The following EFTUD2 variants were observed in gnomAD, a reference collection of about 807,000 sequenced individuals.
The protein encoded by EFTUD2 is 116 kDa U5 small nuclear ribonucleoprotein component.
Under a neutral mutation model 114.3 loss-of-function variants are expected in EFTUD2, and 9 were observed. The ratio of observed to expected loss-of-function variants is 0.08; its 90% CI spans 0.05 to 0.14. The LOEUF (loss-of-function observed/expected upper bound fraction) is 0.14. EFTUD2 is among the 10% of genes least tolerant of loss of function. The pLI, the probability that EFTUD2 is intolerant of heterozygous loss-of-function variation, is 1.00. For synonymous variants in EFTUD2, 449 were observed against 462.3 expected (o/e 0.97, Z 0.37); for missense variants, 765 against 1,241.2 (o/e 0.62, Z 5.76).
chr17:44,865,137 G>C (rs2050722423), intron 13 of EFTUD2, 72 bp from the exon 14 acceptor site: 3 of 1,574,290 alleles, frequency 1.9e-6, no homozygotes, highest in Admixed American at 1.8e-5. Flanking sequence ...GACAAGGGAA[G>C]TCCAAAGAAA....
intron 11 of EFTUD2, 179 bp from the exon 12 acceptor site, chr17:44,868,529 T>C: frequency 1.7e-6 from 1 of 579,140 alleles, no homozygotes; most frequent in Non-Finnish European, 3.0e-6. Flanking sequence ...AGGACAAGAC[T>C]GGTCCAAAGT....
At position 44,864,523 on chromosome 17, in the gene EFTUD2, G is replaced by A. The variant is rs184088249; in HGVS notation, c.1285+407C>T. 9.3e-3 allele frequency among the ~76,000 whole-genome samples: 1,403 copies of A among 150,630 alleles called. 9 individuals are homozygous for A. Among genetic ancestry groups the A allele is most frequent in the Non-Finnish European group, 0.014 (985 of 68,002 alleles). On this transcript the variant is annotated intron_variant, in intron 14 of 27. Transcript: ENST00000426333. ...CAGACTCAGGTGGTTTTTTCAACCA[G>A]TCCAGTGTCTTTCTGCTGTATCACG...
At chr17:44,881,819 G>C in intron 6 of EFTUD2, 97 bp from the exon 7 acceptor site, 1 of 1,157,096 alleles carries the variant, frequency 8.6e-7, no homozygotes, top group South Asian at 1.3e-5. Context: ...CAGCTCAAGG[G>C]TTTCTTTGAG....
At chr17:44,852,251 C>T (rs544299933) in intron 26 of EFTUD2, among the ~76,000 whole-genome samples, 158 bp downstream of exon 26, 33 of 150,984 alleles carry the variant, frequency 2.2e-4, no homozygotes, top group African/African-American at 7.8e-4. Flanking sequence ...AACTGAGAGA[C>T]ACAGATTCAA....
intron 11 of EFTUD2, chr17:44,868,558 G>T: frequency 1.9e-6 from 1 of 537,078 alleles, no homozygotes; most frequent in Non-Finnish European, 3.3e-6. Flanking sequence ...CTGTGCTGGA[G>T]CCAAAATGAG....
intron 19 of EFTUD2, 90 bp from the exon 20 acceptor site, chr17:44,857,247 C>G: frequency 9.1e-7 from 1 of 1,095,570 alleles, no homozygotes; most frequent in Non-Finnish European, 1.4e-6. Context: ...GCTCCCTTGA[C>G]ACTACCTCTG....
intron 25 of EFTUD2, 63 bp from the exon 26 acceptor site, chr17:44,852,625 C>A: frequency 6.3e-7 from 1 of 1,577,142 alleles, no homozygotes; most frequent in South Asian, 1.1e-5. Context: ...AAGAAGCAAT[C>A]CAGCATTTGC....
intron 2 of EFTUD2, chr17:44,894,089 G>T: frequency 4.9e-6 from 1 of 204,436 alleles, no homozygotes; most frequent in East Asian, 1.2e-4. Flanking sequence ...AAAGAAAAAA[G>T]AGGGGGCTGG....
rs972362583 is a variant in EFTUD2, at chr17:44,867,965, G to A, written c.1059-68C>T. On this transcript the variant is annotated intron_variant, in intron 12 of 27. Transcript: ENST00000426333. ...ACTATCACTGATCCCAAGAGGCATT[G>A]TCTAAGTGCTGAATCTGAACAACAG... 13 of 1,417,712 alleles carry A rather than the reference G, an allele frequency of 9.2e-6. No individual in the cohort carries two copies. The African/African-American group carries it at 1.9e-4, about 20-fold the overall frequency. 87.8% of individuals were successfully genotyped at this position (1,417,712 alleles called of 1,614,324 possible). A position where few individuals can be genotyped will look rare whatever the true frequency, so the allele number is the denominator to read the frequency against.
chr17:44,854,031 AC>A lies in EFTUD2; in HGVS notation c.2347+237del, dbSNP rs2050502773. The A allele has an allele frequency of 3.6e-6, 5 of 1,375,206 alleles. No homozygotes were observed. The highest frequency in any genetic ancestry group is 2.7e-4 in the Middle Eastern group (1 of 3,702). 85.2% of individuals were successfully genotyped at this position (1,375,206 alleles called of 1,614,324 possible). On this transcript the variant is annotated intron_variant, in intron 23 of 27. Transcript: ENST00000426333. This position sits in a 1 kb window ranked among gnomAD's most constrained non-coding sequence, Gnocchi z 4.3. Reference sequence around the variant, plus strand: ...TCTTCTCAAATACGTCCAACGCCAAACCCTTCTCAGAAATGAGGAGCAAATG... The same window carrying A: ...TCTTCTCAAATACGTCCAACGCCAAACCTTCTCAGAAATGAGGAGCAAATG...
chr17:44,860,640 C>T lies in EFTUD2; in HGVS notation c.1608-97G>A, dbSNP rs2050639331. ...TTTGAGACAGGATCTCACTTTGTTA[C>T]CAGGCTGGAGTGCAGTGGCACAATC... On this transcript the variant is annotated intron_variant, in intron 16 of 27. Coordinates refer to ENST00000426333, the MANE Select transcript of EFTUD2 (RefSeq NM_004247.4). The T allele has an allele frequency of 7.8e-6, 6 of 767,794 alleles. No individual in the cohort carries two copies. In the Admixed American group the frequency reaches 1.5e-4, roughly 19 times the overall value. The allele number at this position is 767,794 out of a possible 1,614,324, so 47.6% of individuals were successfully genotyped here.
chr17:44,886,874 G>A, intron 2 of EFTUD2, 124 bp from the exon 3 acceptor site: 1 of 1,453,344 alleles, frequency 6.9e-7, no homozygotes, highest in Non-Finnish European at 9.1e-7. Flanking sequence ...TGAGTTCTAT[G>A]CCAGTGGGGG....
chr17:44,898,015 A>G (rs1052622891), intron 1 of EFTUD2, among the ~76,000 whole-genome samples: 3 of 152,220 alleles, frequency 2.0e-5, no homozygotes, highest in African/African-American at 7.2e-5. Context: ...GATTAGACTG[A>G]TACCTCCAAC....
chr17:44,871,007 G>C lies in EFTUD2; in HGVS notation c.994+1439C>G, dbSNP rs116593663. Reference sequence around the variant, plus strand: ...CACTCCAGCCTAGGCAACAGAGTGAGATTATGTCTCAAAAAAAAAAGAAAA... The same window carrying C: ...CACTCCAGCCTAGGCAACAGAGTGACATTATGTCTCAAAAAAAAAAGAAAA... On this transcript the variant is annotated intron_variant, in intron 11 of 27. Transcript: ENST00000426333. Among the ~76,000 whole-genome samples the C allele has an allele frequency of 5.5e-3, 826 of 151,338 alleles. 6 individuals are homozygous for C. The highest frequency in any genetic ancestry group is 0.019 in the African/African-American group (799 of 41,324).
chr17:44,864,100 T>C lies in EFTUD2; in HGVS notation c.1286-318A>G, dbSNP rs8077272. The C allele has an allele frequency of 0.27, 53,511 of 201,360 alleles. 7,271 individuals carry two copies. The highest frequency in any genetic ancestry group is 0.28 in the Non-Finnish European group (27,665 of 98,450). The allele number at this position is 201,360 out of a possible 1,614,324, so 12.5% of individuals were successfully genotyped here. On this transcript the variant is annotated intron_variant, in intron 14 of 27. Transcript: ENST00000426333. ...CTATACGCATTTACGTGGAACAAAATAAGCACCCCATCTAACATCTACTTA... is the reference window on the plus strand; with the variant it reads ...CTATACGCATTTACGTGGAACAAAACAAGCACCCCATCTAACATCTACTTA...
chr17:44,861,958 A>G (rs932773577), intron 16 of EFTUD2, among the ~76,000 whole-genome samples: 2 of 152,174 alleles, frequency 1.3e-5, no homozygotes, highest in African/African-American at 2.4e-5. Flanking sequence ...GGATGCTACA[A>G]GGGATCCAGC....
intron 26 of EFTUD2, 141 bp downstream of exon 26, chr17:44,852,268 C>T: frequency 1.9e-6 from 2 of 1,040,692 alleles, no homozygotes; most frequent in Non-Finnish European, 2.7e-6. Context: ...TCAAGTTGCC[C>T]TGAATATATG....
intron 2 of EFTUD2, among the ~76,000 whole-genome samples, chr17:44,893,115 C>G (rs2051311622): frequency 6.7e-6 from 1 of 150,104 alleles, no homozygotes; most frequent in East Asian, 2.0e-4. Flanking sequence ...AAGTACTCAA[C>G]AGTCATTTTT....
chr17:44,878,460 TA>T (rs923781462), intron 9 of EFTUD2, among the ~76,000 whole-genome samples: 11 of 152,272 alleles, frequency 7.2e-5, no homozygotes, highest in African/African-American at 1.9e-4. Context: ...CACTCTGGAT[TA>T]GGGGAAAAAA....
Sources: allele counts gnomAD v4.1 joint callset (sites outside exome capture counted in the v4.1 genomes callset), GRCh38; gene constraint gnomAD v4.1.1; non-coding constraint Gnocchi (gnomAD v3.1); transcripts MANE v1.5; gene names NCBI Gene and HGNC (gene_info 2026-07-23, HGNC 2026-07-21).